Variants in MME observed in about 807,000 individuals in gnomAD.
The protein encoded by MME is neprilysin.
MME carries 98 observed loss-of-function variants against 113.2 expected under a neutral mutation model. The ratio of observed to expected loss-of-function variants is 0.87; its 90% CI spans 0.74 to 1.02. The LOEUF is 1.02. Ranked by LOEUF, MME falls within the 50% of genes least tolerant of loss-of-function variation. The pLI, the probability that MME is intolerant of heterozygous loss-of-function variation, is 0.00. For synonymous variants in MME, 292 were observed against 300.6 expected (o/e 0.97, Z 0.30); for missense variants, 836 against 896.0 (o/e 0.93, Z 0.86).
At chr3:155,063,287 A>G (rs1165237505) in intron 1 of MME, among the ~76,000 whole-genome samples, 4 of 114,924 alleles carry the variant, frequency 3.5e-5, no homozygotes, top group African/African-American at 1.4e-4. Context: ...ATTATAATAT[A>G]TACATATTAT....
rs2108312053 is a variant in MME at position 155,142,056 on chromosome 3, G to A, written c.1023G>A (p.Glu341=). The A allele has an allele frequency of 1.9e-6, 3 of 1,613,634 alleles. No individual in the cohort carries two copies. The highest frequency in any genetic ancestry group is 4.5e-5 in the East Asian group (2 of 44,860). The change falls in exon 11 of 23, where the codon GAG becomes GAA. Residue 341 remains glutamate, a synonymous_variant. Coordinates refer to ENST00000360490, the MANE Select transcript of MME (RefSeq NM_007289.4). ...CTGTGAATATTAGTATTACAAATGA[G>A]GAAGATGTGGTTGTTTATGCTCCAG... is the stretch of plus-strand genomic sequence containing the variant. ...MSTVNISITN[E]EDVVVYAPEY...
intron 17 of MME, among the ~76,000 whole-genome samples, chr3:155,163,271 TA>T (rs1012735058): frequency 6.6e-6 from 1 of 152,092 alleles, no homozygotes; most frequent in African/African-American, 2.4e-5. Context: ...GTTGTTATGT[TA>T]AAAAAAGAAC....
rs1721985127 is a variant in MME, at chr3:155,152,208, C to T, written c.1601+3555C>T. 2.0e-5 allele frequency among the ~76,000 whole-genome samples: 3 copies of T among 152,076 alleles called. No individual in the cohort carries two copies. In the South Asian group the frequency reaches 6.2e-4, roughly 31 times the overall value. On this transcript the variant is annotated intron_variant, in intron 16 of 22. Coordinates refer to ENST00000360490, the MANE Select transcript of MME (RefSeq NM_007289.4). ...TCTTTCTTACATCCTTGTCTCTTAC[C>T]CTGGACCACCCTTTATGCCCTGGTT...
intron 16 of MME, among the ~76,000 whole-genome samples, chr3:155,155,931 A>G (rs1722275951): frequency 6.6e-6 from 1 of 152,238 alleles, no homozygotes; most frequent in Admixed American, 6.5e-5. Context: ...AACAACTGGT[A>G]ACATCTAGGA....
chr3:155,157,335 A>G (rs565098483), intron 16 of MME, among the ~76,000 whole-genome samples: 3 of 152,144 alleles, frequency 2.0e-5, no homozygotes, highest in Non-Finnish European at 4.4e-5. Context: ...GTTCATCTCT[A>G]AAGTCTGATA....
intron 20 of MME, among the ~76,000 whole-genome samples, chr3:155,171,477 A>G (rs2108372892): frequency 6.6e-6 from 1 of 152,216 alleles, no homozygotes; most frequent in East Asian, 1.9e-4. Flanking sequence ...AGGAAAACTC[A>G]TTTTTTTCAG....
Position 155,180,602 on chromosome 3 carries a change from G to A in MME, c.*143G>A. 1 of 716,400 alleles carries A rather than the reference G, an allele frequency of 1.4e-6. No homozygotes were observed. Among genetic ancestry groups the A allele is most frequent in the Admixed American group, 2.0e-5 (1 of 48,804 alleles). The allele number at this position is 716,400 out of a possible 1,614,324, so 44.4% of individuals were successfully genotyped here. The stretch of plus-strand genomic sequence containing the variant: ...ACAGAGAGGGCACCATCACAATACA[G>A]ATAACATTAGGTTGTCCTAGAAAGG... On this transcript the variant is annotated 3_prime_UTR_variant, in exon 23 of 23. Coordinates refer to ENST00000360490, the MANE Select transcript of MME (RefSeq NM_007289.4).
At chr3:155,167,365 A>G (rs190935953) in intron 18 of MME, among the ~76,000 whole-genome samples, 8 of 152,214 alleles carry the variant, frequency 5.3e-5, no homozygotes, top group Admixed American at 1.3e-4. Context: ...CTGCATGTCT[A>G]TGTCTTAAAA....
intron 4 of MME, 141 bp from the exon 5 acceptor site, chr3:155,116,338 A>G: frequency 1.5e-6 from 1 of 674,660 alleles, no homozygotes; most frequent in Non-Finnish European, 2.7e-6. Context: ...GGGGGAGGAA[A>G]TGAATGTACC....
At chr3:155,078,701 G>A (rs923655798), upstream of MME, among the ~76,000 whole-genome samples, 6 of 149,970 alleles carry the variant, frequency 4.0e-5, no homozygotes, top group South Asian at 8.5e-4. Flanking sequence ...GTAATTACCT[G>A]TGATTCAAAA....
In MME at chr3:155,137,481, C is replaced by T. The variant is rs141569802; in HGVS notation, c.721-621C>T. Among the ~76,000 whole-genome samples the T allele has an allele frequency of 1.8e-4, 27 of 152,146 alleles. 1 individual carries two copies. Among genetic ancestry groups the T allele is most frequent in the South Asian group, 8.3e-4 (4 of 4,820 alleles). The stretch of plus-strand genomic sequence containing the variant: ...CAGCACTTTGGGAGGCCAAGGCAGG[C>T]GGATCACAATGTCAGGAGTTTCAGA... On this transcript the variant is annotated intron_variant, in intron 8 of 22. Transcript: ENST00000360490.
chr3:155,044,280 A>T lies in MME; in HGVS notation c.-11+19956A>T, dbSNP rs545252935. ...CTGGAGTAGCTGGCATTACAGGTGC[A>T]CGCCAGGACACCTGGCTAATTTTTG... is the stretch of plus-strand genomic sequence containing the variant. On this transcript the variant is annotated intron_variant, in intron 1 of 22. Coordinates refer to the MME transcript ENST00000492661. Among the ~76,000 whole-genome samples, 30 of 150,182 alleles carry T rather than the reference A, an allele frequency of 2.0e-4. No homozygotes were observed. In the East Asian group the frequency reaches 5.7e-3, roughly 28 times the overall value.
At chr3:155,103,410 T>C (rs1160824439) in intron 3 of MME, among the ~76,000 whole-genome samples, 1 of 152,230 alleles carries the variant, frequency 6.6e-6, no homozygotes, top group Non-Finnish European at 1.5e-5. Flanking sequence ...TCAGTATTTC[T>C]GTATCAAGCC....
chr3:155,066,627 T>A (rs931124521), intron 1 of MME, among the ~76,000 whole-genome samples: 1 of 152,264 alleles, frequency 6.6e-6, no homozygotes, highest in Admixed American at 6.5e-5. Context: ...ATGTGTTTTC[T>A]ATCAATAAAC....
At chr3:155,084,507 C>G in intron 2 of MME, 180 bp downstream of exon 2, 1 of 668,980 alleles carries the variant, frequency 1.5e-6, no homozygotes, top group East Asian at 2.8e-5. Context: ...AGTACGGTGC[C>G]TTTTATGTTT....
At chr3:155,044,459 T>C (rs1158886504) in intron 1 of MME, among the ~76,000 whole-genome samples, 1 of 152,144 alleles carries the variant, frequency 6.6e-6, no homozygotes, top group African/African-American at 2.4e-5. Flanking sequence ...ATTTATTGTT[T>C]ACTGCTAGAG....
intron 7 of MME, 107 bp downstream of exon 7, chr3:155,117,093 G>C (rs949655893): frequency 1.3e-6 from 1 of 752,082 alleles, no homozygotes; most frequent in Non-Finnish European, 2.4e-6. Flanking sequence ...CAATTGAATT[G>C]AATAAGCAAG....
At chr3:155,025,070 G>T (rs1246596374) in intron 1 of MME, among the ~76,000 whole-genome samples, 1 of 152,178 alleles carries the variant, frequency 6.6e-6, no homozygotes, top group Non-Finnish European at 1.5e-5. Flanking sequence ...GGCTTGTTAG[G>T]TAGGGCCCCA....
At chr3:155,174,340 G>C (rs1712295942) in intron 22 of MME, among the ~76,000 whole-genome samples, 1 of 127,934 alleles carries the variant, frequency 7.8e-6, no homozygotes, top group African/African-American at 2.8e-5. Context: ...GTGTGTGTGT[G>C]TGTGTGTGTG....
Sources: allele counts gnomAD v4.1 joint callset (sites outside exome capture counted in the v4.1 genomes callset), GRCh38; gene constraint gnomAD v4.1.1; transcripts MANE v1.5; gene names NCBI Gene and HGNC (gene_info 2026-07-23, HGNC 2026-07-21).